KCNQ5: variants seen among roughly 807,000 people sequenced by gnomAD.
The protein encoded by KCNQ5 is potassium voltage-gated channel subfamily KQT member 5.
In KCNQ5, 30 loss-of-function variants were observed where a neutral mutation model predicts 98.2. That is an observed-to-expected ratio of 0.31 (90% CI 0.23 to 0.41). The LOEUF is 0.41. Ranked by LOEUF, KCNQ5 falls within the 10% of genes least tolerant of loss-of-function variation. KCNQ5 has a pLI of 1.00. For missense variants in KCNQ5, 835 were observed against 1,182.5 expected, an observed-to-expected ratio of 0.71 and a Z score of 4.31; for synonymous variants, 458 against 449.4, an observed-to-expected ratio of 1.02 and a Z score of -0.24.
At chr6:73,151,227 C>G (rs916129430) in intron 10 of KCNQ5, among the ~76,000 whole-genome samples, 9 of 152,122 alleles carry the variant, frequency 5.9e-5, no homozygotes, top group Non-Finnish European at 1.3e-4. Flanking sequence ...CCTCAACTCT[C>G]CCACTCTATC....
At chr6:73,051,803 C>T (rs1312726225) in intron 3 of KCNQ5, among the ~76,000 whole-genome samples, 1 of 150,196 alleles carries the variant, frequency 6.7e-6, no homozygotes, top group Non-Finnish European at 1.5e-5. Context: ...TGATAAAGAA[C>T]CAGTGCAAGA....
At chr6:73,129,855 C>T (rs1192375688) in intron 9 of KCNQ5, 2 of 1,610,898 alleles carry the variant, frequency 1.2e-6, no homozygotes, top group Admixed American at 1.7e-5. Context: ...CAGAGGTACC[C>T]AGCATCCGGG....
intron 1 of KCNQ5, among the ~76,000 whole-genome samples, chr6:72,655,090 T>TTCTC (rs1766110138): frequency 6.9e-6 from 1 of 144,884 alleles, no homozygotes; most frequent in African/African-American, 2.5e-5. Flanking sequence ...CTTTCTTTCT[T>TTCTC]TCTTTCTGTT....
chr6:72,869,597 C>T (rs1455090699), intron 1 of KCNQ5, among the ~76,000 whole-genome samples: 1 of 151,996 alleles, frequency 6.6e-6, no homozygotes, highest in African/African-American at 2.4e-5. Flanking sequence ...AAAGACAGAA[C>T]ATTTTGACAC....
rs983289505 is a variant in KCNQ5, at chr6:72,830,647, G to A, written c.399-173261G>A. Among the ~76,000 whole-genome samples the A allele has an allele frequency of 1.2e-4, 19 of 152,102 alleles. No individual in the cohort carries two copies. In the East Asian group the frequency reaches 1.3e-3, roughly 11 times the overall value. Reference sequence around the variant, plus strand: ...CATAAAAACCCTAGAAGAAAACCTCGGCAATACCGTTCAGGACATAGCCAT... The same window carrying A: ...CATAAAAACCCTAGAAGAAAACCTCAGCAATACCGTTCAGGACATAGCCAT... On this transcript the variant is annotated intron_variant, in intron 1 of 13. Coordinates refer to ENST00000370398, the MANE Select transcript of KCNQ5 (RefSeq NM_019842.4).
At chr6:72,844,675 C>T (rs1193151573) in intron 1 of KCNQ5, among the ~76,000 whole-genome samples, 1 of 152,170 alleles carries the variant, frequency 6.6e-6, no homozygotes, top group African/African-American at 2.4e-5. Flanking sequence ...AAAAGGCCTC[C>T]ATAAAAATCC....
At chr6:72,749,767 G>A (rs9442841) in intron 1 of KCNQ5, among the ~76,000 whole-genome samples, 24,907 of 151,940 alleles carry the variant, frequency 0.16, 2,222 homozygotes, top group African/African-American at 0.22. Context: ...ATCAACTTAG[G>A]GTTGTTATTG....
intron 5 of KCNQ5, among the ~76,000 whole-genome samples, chr6:73,091,871 A>T (rs1279948673): frequency 6.6e-6 from 1 of 152,014 alleles, no homozygotes; most frequent in Non-Finnish European, 1.5e-5. Context: ...GTGAAGAATG[A>T]TGGTGGTATT....
chr6:72,998,718 C>G (rs1017844994), intron 1 of KCNQ5, among the ~76,000 whole-genome samples: 10 of 150,768 alleles, frequency 6.6e-5, no homozygotes, highest in Non-Finnish European at 1.2e-4. Context: ...GCCTGGGCGA[C>G]AGAGTGAGAC....
At chr6:72,627,550 C>A (rs969284851) in intron 1 of KCNQ5, among the ~76,000 whole-genome samples, 2 of 152,192 alleles carry the variant, frequency 1.3e-5, no homozygotes, top group Admixed American at 6.5e-5. Flanking sequence ...AAGGAGGCCA[C>A]TGGTGGCCTT....
At chr6:72,778,839 A>G (rs1439681274) in intron 1 of KCNQ5, among the ~76,000 whole-genome samples, 1 of 152,242 alleles carries the variant, frequency 6.6e-6, no homozygotes, top group East Asian at 1.9e-4. Flanking sequence ...CCCAGAGCAC[A>G]GAAGTTCAAA....
chr6:73,014,143 T>C (rs1227112949), intron 2 of KCNQ5, among the ~76,000 whole-genome samples: 1 of 152,110 alleles, frequency 6.6e-6, no homozygotes, highest in African/African-American at 2.4e-5. Flanking sequence ...CCAAAGGTTG[T>C]AGGTTTTAGC....
At chr6:72,708,566 G>T (rs1244822058) in intron 1 of KCNQ5, among the ~76,000 whole-genome samples, 2 of 152,166 alleles carry the variant, frequency 1.3e-5, no homozygotes, top group Non-Finnish European at 2.9e-5. Flanking sequence ...TGTTGCCCAG[G>T]CTGGAGTGCA....
intron 11 of KCNQ5, among the ~76,000 whole-genome samples, chr6:73,175,643 CTT>C (rs1051306129): frequency 1.3e-5 from 2 of 152,142 alleles, no homozygotes; most frequent in Admixed American, 6.5e-5. Flanking sequence ...ACTATAGACT[CTT>C]TAAAACTCTT....
chr6:72,987,118 T>C, intron 1 of KCNQ5: 2 of 657,716 alleles, frequency 3.0e-6, no homozygotes, highest in Middle Eastern at 5.5e-4. Flanking sequence ...AATACATCCA[T>C]CCCCAAAGGA....
At chr6:72,870,343 GCA>G (rs1778152209) in intron 1 of KCNQ5, among the ~76,000 whole-genome samples, 3 of 151,964 alleles carry the variant, frequency 2.0e-5, no homozygotes, top group African/African-American at 7.3e-5. Context: ...GGCATGATCT[GCA>G]GCTCACTGCA....
At chr6:72,693,812 A>G (rs1768342927) in intron 1 of KCNQ5, among the ~76,000 whole-genome samples, 1 of 152,198 alleles carries the variant, frequency 6.6e-6, no homozygotes, top group Admixed American at 6.5e-5. Flanking sequence ...TCTAAGACTT[A>G]TCTTTTAATT....
chr6:72,671,071 T>G (rs544503552), intron 1 of KCNQ5, among the ~76,000 whole-genome samples: 1 of 152,332 alleles, frequency 6.6e-6, no homozygotes, highest in African/African-American at 2.4e-5. Context: ...TGGGTCCTCA[T>G]CCAAATGACC....
chr6:72,641,690 G>A (rs1437562786), intron 1 of KCNQ5, among the ~76,000 whole-genome samples: 1 of 151,994 alleles, frequency 6.6e-6, no homozygotes, highest in Non-Finnish European at 1.5e-5. Context: ...CTTTTTAATT[G>A]TTAATATTAT....
Sources: gnomAD v4.1 joint callset for allele counts (sites outside exome capture counted in the v4.1 genomes callset) on GRCh38, gnomAD v4.1.1 for gene constraint, MANE v1.5 for transcripts, NCBI Gene and HGNC (gene_info 2026-07-23, HGNC 2026-07-21) for gene names.